The following ZNF678 variants were observed in gnomAD, a reference collection of about 807,000 sequenced individuals.
The protein encoded by ZNF678 is zinc finger protein 678, also known as hypothetical protein MGC42493.
ZNF678 carries 5 observed loss-of-function variants against 3.0 expected under a neutral mutation model. That is an observed-to-expected ratio of 1.69 (90% CI 0.88 to 3.56). The LOEUF (loss-of-function observed/expected upper bound fraction) is 3.56, where lower values mean the gene tolerates loss of function less well. Ranked by LOEUF, ZNF678 falls within the 30% of genes most tolerant of loss-of-function variation. The pLI, the probability that ZNF678 is intolerant of heterozygous loss-of-function variation, is 0.00. For missense variants in ZNF678, 593 were observed against 605.0 expected (o/e 0.98, Z 0.21); for synonymous variants, 218 against 199.6 (o/e 1.09, Z -0.78).
intron 1 of ZNF678, among the ~76,000 whole-genome samples, chr1:227,611,751 T>C (rs1333002041): frequency 6.6e-6 from 1 of 152,208 alleles, no homozygotes; most frequent in African/African-American, 2.4e-5. Context: ...CTGTGGTTAA[T>C]ATATGCTTCT....
downstream of ZNF678, among the ~76,000 whole-genome samples, chr1:227,663,796 G>T (rs1400182868): frequency 6.6e-6 from 1 of 152,184 alleles, no homozygotes; most frequent in African/African-American, 2.4e-5. Flanking sequence ...TAGTGGAAAA[G>T]CCCTAGGACA....
chr1:227,628,343 T>C (rs560903282), intron 1 of ZNF678, among the ~76,000 whole-genome samples: 1 of 152,342 alleles, frequency 6.6e-6, no homozygotes, highest in South Asian at 2.1e-4. Flanking sequence ...TTGGCAAGCT[T>C]AACACTGGGG....
In ZNF678 at chr1:227,655,388, A is replaced by T. The variant is rs754409537; in HGVS notation, c.1138A>T (p.Lys380Ter). Residue 380 changes from lysine to a stop codon, truncating the protein, a stop_gained, in exon 4 of 4, where the codon AAA (lysine) becomes TAA (stop). Coordinates refer to ENST00000343776, the MANE Select transcript of ZNF678 (RefSeq NM_001367909.1). LOFTEE classifies it low-confidence loss of function (END_TRUNC). ...TACTGGAGAGAAACCCTACAAATGC[A>T]AAGAATGTGGCAAAGCGTTTAACAA... Reference protein sequence around the residue: ...IHTGEKPYKCKECGKAFNKFS... With the variant: ...IHTGEKPYKC The T allele has an allele frequency of 1.8e-5, 29 of 1,611,876 alleles. No individual in the cohort carries two copies. Among genetic ancestry groups the T allele is most frequent in the Non-Finnish European group, 2.4e-5 (28 of 1,179,108 alleles).
rs764251185 is a variant in ZNF678 at position 227,655,868 on chromosome 1, G to C, written c.*40G>C. Reference sequence around the variant, plus strand: ...TACATGGCTTCACTAATTTCATACTGAATAAAAGTGGTATGAGCATAATGA... The same window carrying C: ...TACATGGCTTCACTAATTTCATACTCAATAAAAGTGGTATGAGCATAATGA... On this transcript the variant is annotated 3_prime_UTR_variant, in exon 4 of 4. Coordinates refer to ENST00000343776, the MANE Select transcript of ZNF678 (RefSeq NM_001367909.1). 6.6e-7 allele frequency: 1 copy of C among 1,509,488 alleles called. No individual in the cohort carries two copies. The highest frequency in any genetic ancestry group is 8.9e-7 in the Non-Finnish European group (1 of 1,127,452). 93.5% of individuals were successfully genotyped at this position (1,509,488 alleles called of 1,614,324 possible). A position where few individuals can be genotyped will look rare whatever the true frequency, so the allele number is the denominator to read the frequency against.
At chr1:227,622,350 A>C (rs1468638023) in intron 1 of ZNF678, among the ~76,000 whole-genome samples, 2 of 152,224 alleles carry the variant, frequency 1.3e-5, no homozygotes, top group African/African-American at 2.4e-5. Context: ...CCACCTTTGT[A>C]GGCCAAACCA....
chr1:227,577,827 G>A (rs1657023673), intron 1 of ZNF678, among the ~76,000 whole-genome samples: 1 of 152,176 alleles, frequency 6.6e-6, no homozygotes, highest in African/African-American at 2.4e-5. Context: ...TTGCTTTATA[G>A]TGTCACTGGT....
rs1357866814 is a variant in ZNF678 at position 227,583,893 on chromosome 1, G to C, written c.-164+20169G>C. On this transcript the variant is annotated intron_variant, in intron 1 of 3. Transcript: ENST00000343776. ...ACTCAATCACCATTTCTACTGTAGA[G>C]ATCAAACTAATACAGCATGGCCCAG... Among the ~76,000 whole-genome samples, 3 of 152,296 alleles carry C rather than the reference G, an allele frequency of 2.0e-5. No homozygotes were observed. In the East Asian group the frequency reaches 5.8e-4, roughly 29 times the overall value.
At chr1:227,580,759 C>T (rs184119180) in intron 1 of ZNF678, among the ~76,000 whole-genome samples, 323 of 152,098 alleles carry the variant, frequency 2.1e-3, no homozygotes, top group Admixed American at 4.4e-3. Context: ...TAAAAATACC[C>T]GTCTCTACTA....
chr1:227,609,710 A>G (rs529716701), intron 1 of ZNF678, among the ~76,000 whole-genome samples: 2 of 152,296 alleles, frequency 1.3e-5, no homozygotes, highest in East Asian at 3.9e-4. Flanking sequence ...ATTATCTTTG[A>G]AAATGGAACA....
intron 1 of ZNF678, among the ~76,000 whole-genome samples, chr1:227,571,407 T>G (rs1456227966): frequency 6.6e-6 from 1 of 152,246 alleles, no homozygotes; most frequent in Admixed American, 6.5e-5. Flanking sequence ...TTGACTGTAT[T>G]TTTATTTTAG....
At position 227,656,040 on chromosome 1, in the gene ZNF678, A is replaced by ACTTTATTATTGACT. The variant is rs1659240617; in HGVS notation, c.*212_*213insCTTTATTATTGACT. On this transcript the variant is annotated 3_prime_UTR_variant, in exon 4 of 4. Transcript: ENST00000343776. ...GTACTAGAGGAAAAACCCTTAAACA[A>ACTTTATTATTGACT]TTATTCAGACTTTATTCAACTTTAG... 1 of 393,520 alleles carries ACTTTATTATTGACT rather than the reference A, an allele frequency of 2.5e-6. No individual in the cohort carries two copies. The highest frequency in any genetic ancestry group is 2.1e-5 in the African/African-American group (1 of 48,146). The allele number at this position is 393,520 out of a possible 1,614,324, so 24.4% of individuals were successfully genotyped here.
At chr1:227,567,336 T>C (rs912081087) in intron 1 of ZNF678, among the ~76,000 whole-genome samples, 1 of 152,222 alleles carries the variant, frequency 6.6e-6, no homozygotes, top group Non-Finnish European at 1.5e-5. Flanking sequence ...CATTTTCTCA[T>C]TTAAAACTAA....
downstream of ZNF678, among the ~76,000 whole-genome samples, chr1:227,663,696 T>A (rs1659454257): frequency 6.6e-6 from 1 of 152,208 alleles, no homozygotes; most frequent in Non-Finnish European, 1.5e-5. Context: ...GATATTTCTA[T>A]AAGTATGTGA....
chr1:227,596,322 A>G (rs926756999), intron 1 of ZNF678, among the ~76,000 whole-genome samples: 5 of 152,210 alleles, frequency 3.3e-5, no homozygotes, highest in African/African-American at 1.2e-4. Context: ...TTAAAGAAGG[A>G]AGAGGTTTAT....
intron 1 of ZNF678, among the ~76,000 whole-genome samples, chr1:227,642,458 G>A (rs1658844095): frequency 6.6e-6 from 1 of 152,130 alleles, no homozygotes; most frequent in African/African-American, 2.4e-5. Flanking sequence ...CCAGAGTCAT[G>A]ACCACAACTA....
At chr1:227,650,859 A>T in intron 2 of ZNF678, 97 bp from the exon 3 acceptor site, 1 of 873,016 alleles carries the variant, frequency 1.1e-6, no homozygotes, top group Non-Finnish European at 1.7e-6. Context: ...CTTTCTACAT[A>T]TAAGATAATG....
At position 227,654,755 on chromosome 1, in the gene ZNF678, A is replaced by T; in HGVS notation, c.505A>T (p.Thr169Ser). 6.2e-7 allele frequency: 1 copy of T among 1,613,164 alleles called. No individual in the cohort carries two copies. Among genetic ancestry groups the T allele is most frequent in the Non-Finnish European group, 8.5e-7 (1 of 1,179,360 alleles). The change falls in exon 4 of 4, where the codon ACT (threonine) becomes TCT (serine). Residue 169 changes from threonine (T) to serine (S), a missense_variant. Thr to Ser is a moderately conservative substitution (Grantham distance 58). Transcript: ENST00000343776. ...GKVFNWWSQLTNHKKIHTGEK... is the reference protein window; with the variant it reads ...GKVFNWWSQLSNHKKIHTGEK... The stretch of plus-strand genomic sequence containing the variant: ...AGTTTTTAATTGGTGGTCACAACTA[A>T]CTAACCATAAGAAAATTCATACTGG...
chr1:227,580,020 T>G (rs758615912), intron 1 of ZNF678, among the ~76,000 whole-genome samples: 1 of 152,176 alleles, frequency 6.6e-6, no homozygotes, highest in Non-Finnish European at 1.5e-5. Context: ...CTAACTCAAG[T>G]GTCTCTGGTG....
intron 1 of ZNF678, among the ~76,000 whole-genome samples, chr1:227,612,203 AAG>A (rs1658037717): frequency 6.6e-6 from 1 of 152,264 alleles, no homozygotes; most frequent in Admixed American, 6.5e-5. Flanking sequence ...GCTGCAGAAA[AAG>A]GACCACTCAG....
Sources: allele counts gnomAD v4.1 joint callset (sites outside exome capture counted in the v4.1 genomes callset), GRCh38; gene constraint gnomAD v4.1.1; transcripts MANE v1.5; gene names NCBI Gene and HGNC (gene_info 2026-07-23, HGNC 2026-07-21).